Variants in ICOS observed in about 807,000 individuals in gnomAD.
ICOS encodes the protein inducible T cell costimulator.
Under a neutral mutation model 24.6 loss-of-function variants are expected in ICOS, and 15 were observed. That is an observed-to-expected ratio of 0.61 (90% confidence interval 0.41 to 0.94). The LOEUF is 0.94. Among genes scored for constraint, ICOS ranks in the 40% least tolerant of loss-of-function variants. The pLI, the probability that ICOS is intolerant of heterozygous loss-of-function variation, is 0.00. For synonymous variants in ICOS, 89 were observed against 77.5 expected, an observed-to-expected ratio of 1.15 and a Z score of -0.78; for missense variants, 200 against 233.0, an observed-to-expected ratio of 0.86 and a Z score of 0.92.
intron 4 of ICOS, among the ~76,000 whole-genome samples, chr2:203,958,139 A>G (rs1690110472): frequency 6.6e-6 from 1 of 152,214 alleles, no homozygotes; most frequent in African/African-American, 2.4e-5. Context: ...CCACCATAGT[A>G]TCAAGGCAAT....
Position 203,947,082 on chromosome 2 carries a change from G to C in ICOS, c.59-8554G>C, listed in dbSNP as rs140779818. On this transcript the variant is annotated intron_variant, in intron 1 of 4. Transcript: ENST00000316386. The stretch of plus-strand genomic sequence containing the variant: ...TATACTGGTGAAATGAAGTAGTCCA[G>C]ATATTAAAAGCATCAACTTGCAAAT... Among the ~76,000 whole-genome samples the C allele has an allele frequency of 4.0e-3, 608 of 152,230 alleles. 5 individuals are homozygous for C. Among genetic ancestry groups the C allele is most frequent in the African/African-American group, 0.014 (579 of 41,526 alleles).
At chr2:203,959,459 T>TGTGTGA (rs1365005762) in intron 4 of ICOS, 127 bp from the exon 5 acceptor site, 6 of 519,264 alleles carry the variant, frequency 1.2e-5, no homozygotes, top group Non-Finnish European at 2.2e-5. Flanking sequence ...TGTGTGAGTG[T>TGTGTGA]GTGTGTGTGT....
chr2:203,950,788 G>A (rs1215014209), intron 1 of ICOS, among the ~76,000 whole-genome samples: 15 of 152,252 alleles, frequency 9.9e-5, no homozygotes, highest in Admixed American at 7.8e-4. Flanking sequence ...CAGGCCAGGT[G>A]CGGTGGCTCA....
chr2:203,956,832 A>G (rs1690085998), intron 3 of ICOS, 67 bp downstream of exon 3: 3 of 1,052,238 alleles, frequency 2.9e-6, no homozygotes, highest in Admixed American at 1.8e-5. Flanking sequence ...TTCCTCATCA[A>G]AAGTACACAT....
chr2:203,940,170 A>G (rs528978646), intron 1 of ICOS, among the ~76,000 whole-genome samples: 3 of 152,292 alleles, frequency 2.0e-5, no homozygotes, highest in African/African-American at 7.2e-5. Flanking sequence ...TGATGTGCCT[A>G]GTCCCCATCC....
chr2:203,959,364 G>C (rs918343115), intron 4 of ICOS, among the ~76,000 whole-genome samples: 2 of 152,282 alleles, frequency 1.3e-5, no homozygotes, highest in Admixed American at 1.3e-4. Flanking sequence ...GATAATGTCT[G>C]TTATAGGAGT....
Position 203,936,825 on chromosome 2 carries a change from G to A in ICOS, c.11G>A (p.Gly4Asp), listed in dbSNP as rs1363456237. The change falls in exon 1 of 5, where the codon GGC (glycine) becomes GAC (aspartate). Residue 4 changes from glycine to aspartate, a missense_variant. Gly to Asp is a moderately conservative substitution (Grantham distance 94). Transcript: ENST00000316386. ...CTGTTTCTGGCAAACATGAAGTCAG[G>A]CCTCTGGTATTTCTTTCTCTTCTGC... is the stretch of plus-strand genomic sequence containing the variant. MKS[G>D]LWYFFLFCLR... 5.0e-6 allele frequency: 8 copies of A among 1,612,994 alleles called. No homozygotes were observed. Among genetic ancestry groups the A allele is most frequent in the Non-Finnish European group, 6.8e-6 (8 of 1,179,366 alleles).
intron 1 of ICOS, among the ~76,000 whole-genome samples, chr2:203,951,745 T>C (rs1689978321): frequency 6.6e-6 from 1 of 152,196 alleles, no homozygotes; most frequent in Non-Finnish European, 1.5e-5. Flanking sequence ...CTCTGGGAAA[T>C]TTTTTGTGAA....
intron 1 of ICOS, among the ~76,000 whole-genome samples, chr2:203,954,994 T>A (rs1389998276): frequency 2.0e-5 from 3 of 152,032 alleles, no homozygotes; most frequent in Non-Finnish European, 4.4e-5. Context: ...CTGATGTACA[T>A]CAGTGATTAT....
chr2:203,943,129 C>G (rs963742123), intron 1 of ICOS, among the ~76,000 whole-genome samples: 1 of 152,200 alleles, frequency 6.6e-6, no homozygotes, highest in Non-Finnish European at 1.5e-5. Context: ...AGCTTAATAA[C>G]TAACCTCCTG....
At chr2:203,938,649 T>C (rs1336469045) in intron 1 of ICOS, among the ~76,000 whole-genome samples, 1 of 152,232 alleles carries the variant, frequency 6.6e-6, no homozygotes, top group Non-Finnish European at 1.5e-5. Context: ...ATTTGGGCAG[T>C]TCTGGTTGTG....
intron 1 of ICOS, among the ~76,000 whole-genome samples, chr2:203,941,043 G>A (rs1001497612): frequency 5.3e-5 from 8 of 152,166 alleles, no homozygotes; most frequent in Admixed American, 5.2e-4. Flanking sequence ...CTCCGCCTCC[G>A]CCTCCGCCTC....
At chr2:203,937,865 T>C (rs1689687188) in intron 1 of ICOS, among the ~76,000 whole-genome samples, 1 of 152,186 alleles carries the variant, frequency 6.6e-6, no homozygotes, top group Non-Finnish European at 1.5e-5. Flanking sequence ...TTGAGGAATG[T>C]AGAATGAGCA....
chr2:203,943,130 T>A (rs976112105), intron 1 of ICOS, among the ~76,000 whole-genome samples: 1 of 152,250 alleles, frequency 6.6e-6, no homozygotes, highest in Non-Finnish European at 1.5e-5. Context: ...GCTTAATAAC[T>A]AACCTCCTGA....
In ICOS at chr2:203,957,870, A is replaced by G; in HGVS notation, c.573A>G (p.Lys191=). ...TGAGAGCAGTGAACACAGCCAAAAAATCTAGACTCACAGGTATGACTCCAT... is the reference window on the plus strand; with the variant it reads ...TGAGAGCAGTGAACACAGCCAAAAAGTCTAGACTCACAGGTATGACTCCAT... ...MFMRAVNTAK[K]SRLTDVTL Residue 191 remains lysine (K), a synonymous_variant, in exon 4 of 5, where the codon AAA becomes AAG. Coordinates refer to ENST00000316386, the MANE Select transcript of ICOS (RefSeq NM_012092.4). 1 of 1,608,316 alleles carries G rather than the reference A, an allele frequency of 6.2e-7. No individual in the cohort carries two copies. The highest frequency in any genetic ancestry group is 1.7e-5 in the Admixed American group (1 of 59,996).
At chr2:203,959,374 T>G (rs1405644578) in intron 4 of ICOS, among the ~76,000 whole-genome samples, 1 of 151,896 alleles carries the variant, frequency 6.6e-6, no homozygotes, top group Non-Finnish European at 1.5e-5. Flanking sequence ...GTTATAGGAG[T>G]CGAGAGCTAA....
intron 1 of ICOS, among the ~76,000 whole-genome samples, chr2:203,951,945 TGCCTC>T (rs1689982600): frequency 6.6e-6 from 1 of 152,230 alleles, no homozygotes; most frequent in South Asian, 2.1e-4. Flanking sequence ...TTTTTTTCTT[TGCCTC>T]TGGATAATAT....
chr2:203,955,523 G>C, intron 1 of ICOS, 113 bp from the exon 2 acceptor site: 1 of 807,978 alleles, frequency 1.2e-6, no homozygotes, highest in South Asian at 1.5e-5. Flanking sequence ...TTTCATTTTG[G>C]TGCAACAGAG....
intron 1 of ICOS, among the ~76,000 whole-genome samples, chr2:203,949,366 TG>T (rs1469415036): frequency 6.6e-6 from 1 of 152,204 alleles, no homozygotes; most frequent in East Asian, 1.9e-4. Context: ...ACTTTGACTG[TG>T]GATTGAACCA....
Sources: allele counts gnomAD v4.1 joint callset (sites outside exome capture counted in the v4.1 genomes callset), GRCh38; gene constraint gnomAD v4.1.1; transcripts MANE v1.5; gene names NCBI Gene and HGNC (gene_info 2026-07-23, HGNC 2026-07-21).